Variants in RASSF6 observed in about 807,000 individuals in gnomAD.
RASSF6 encodes Ras association domain family member 6, also known as ras association domain-containing protein 6.
RASSF6 carries 52 observed loss-of-function variants against 44.0 expected under a neutral mutation model. The ratio of observed to expected loss-of-function variants is 1.18; its 90% CI spans 0.95 to 1.49. The LOEUF is 1.49. Among genes scored for constraint, RASSF6 ranks in the 40% most tolerant of loss-of-function variants. The pLI is 0.00. For synonymous variants in RASSF6, 162 were observed against 124.6 expected (o/e 1.30, Z -2.00); for missense variants, 464 against 393.3 (o/e 1.18, Z -1.52).
At chr4:73,615,823 A>T in intron 1 of RASSF6, 38 of 1,267,892 alleles carry the variant, frequency 3.0e-5, no homozygotes, top group Non-Finnish European at 4.0e-5. Flanking sequence ...CGTTCCAGCA[A>T]TGCTGGAACG....
In RASSF6 at chr4:73,612,872, C is replaced by T. The variant is rs140638243; in HGVS notation, c.-34-1043G>A. Among the ~76,000 whole-genome samples the T allele has an allele frequency of 8.8e-3, 1,344 of 152,220 alleles. 17 individuals are homozygous for T. The highest frequency in any genetic ancestry group is 0.01 in the Non-Finnish European group (709 of 68,014). The stretch of plus-strand genomic sequence containing the variant: ...CCTGACTCTCAAGTTTTCTTCAATT[C>T]CACTCAAACCTACCTTTCCAGGCTC... On this transcript the variant is annotated intron_variant, in intron 1 of 10. Coordinates refer to ENST00000307439, the MANE Select transcript of RASSF6 (RefSeq NM_177532.5).
Position 73,574,684 on chromosome 4 carries a change from T to C in RASSF6, c.*1551A>G, listed in dbSNP as rs1381405212. The C allele has an allele frequency of 6.6e-6, 1 of 152,162 alleles. No individual in the cohort carries two copies. The highest frequency in any genetic ancestry group is 1.5e-5 in the Non-Finnish European group (1 of 68,038). The allele number at this position is 152,162 out of a possible 1,614,324, so 9.4% of individuals were successfully genotyped here. ...TTCTGATTGATACAGACTAACACAG[T>C]TGTTCACTGTTAAGATACGACTTTT... On this transcript the variant is annotated 3_prime_UTR_variant, in exon 11 of 11. Coordinates refer to ENST00000307439, the MANE Select transcript of RASSF6 (RefSeq NM_177532.5).
chr4:73,612,484 T>C (rs55974437), intron 1 of RASSF6, among the ~76,000 whole-genome samples: 12,126 of 26,794 alleles, frequency 0.45, 945 homozygotes, highest in East Asian at 0.6. Flanking sequence ...GTTTTCTTTT[T>C]TTTTTTTTTT....
At chr4:73,613,352 T>G (rs1461554995) in intron 1 of RASSF6, among the ~76,000 whole-genome samples, 1 of 152,164 alleles carries the variant, frequency 6.6e-6, no homozygotes. Context: ...ACATGCTCCA[T>G]GAGCCCAGTG....
intron 8 of RASSF6, among the ~76,000 whole-genome samples, chr4:73,580,335 G>A (rs938967060): frequency 1.0e-4 from 15 of 149,678 alleles, no homozygotes; most frequent in African/African-American, 3.2e-4. Flanking sequence ...ATAAACATAC[G>A]TGTGCATGTG....
chr4:73,586,526 G>A (rs1578028873), intron 5 of RASSF6, among the ~76,000 whole-genome samples: 1 of 151,766 alleles, frequency 6.6e-6, no homozygotes, highest in East Asian at 1.9e-4. Context: ...ACAATTGATA[G>A]TACCTTTTTC....
At position 73,582,224 on chromosome 4, in the gene RASSF6, C is replaced by T. The variant is rs1454820929; in HGVS notation, c.634G>A (p.Glu212Lys). The T allele has an allele frequency of 6.9e-6, 11 of 1,592,840 alleles. No individual in the cohort carries two copies. Among genetic ancestry groups the T allele is most frequent in the African/African-American group, 4.0e-5 (3 of 74,536 alleles). The change falls in exon 7 of 11, where the codon GAA becomes AAA. Residue 212 changes from glutamate to lysine, a missense_variant. Physicochemically the swap from Glu to Lys is moderately conservative, Grantham distance 56. Coordinates refer to ENST00000307439, the MANE Select transcript of RASSF6 (RefSeq NM_177532.5). ...TGGAGAAGTTGCTTTATTACTTCTT[C>T]AGTTCTCATGTTACTGTTTACTCTG... The part of the protein sequence containing the change: ...KVRVNSNMRT[E>K]EVIKQLLQKF...
chr4:73,585,476 T>C, intron 5 of RASSF6, 112 bp from the exon 6 acceptor site: 1 of 686,038 alleles, frequency 1.5e-6, no homozygotes, highest in Non-Finnish European at 2.2e-6. Context: ...TTTCTGGCTG[T>C]GTAAAAGCAT....
Position 73,575,127 on chromosome 4 carries a change from G to C in RASSF6, c.*1108C>G, listed in dbSNP as rs1278914518. 1 of 152,086 alleles carries C rather than the reference G, an allele frequency of 6.6e-6. No homozygotes were observed. Among genetic ancestry groups the C allele is most frequent in the East Asian group, 1.9e-4 (1 of 5,202 alleles). 9.4% of individuals were successfully genotyped at this position (152,086 alleles called of 1,614,324 possible). A position where few individuals can be genotyped will look rare whatever the true frequency, so the allele number is the denominator to read the frequency against. ...TGTTAATCTTCCAGTTGGGTTTACT[G>C]CATATAATCTCATTCCTTAGTACAT... On this transcript the variant is annotated 3_prime_UTR_variant, in exon 11 of 11. Transcript: ENST00000307439.
chr4:73,615,930 G>C, intron 1 of RASSF6: 1 of 1,550,152 alleles, frequency 6.5e-7, no homozygotes, highest in South Asian at 1.2e-5. Flanking sequence ...AGGACAGGAA[G>C]TGAATTCTAG....
intron 3 of RASSF6, among the ~76,000 whole-genome samples, chr4:73,597,697 A>G (rs975117077): frequency 6.6e-6 from 1 of 152,246 alleles, no homozygotes; most frequent in African/African-American, 2.4e-5. Flanking sequence ...CACTATTTAT[A>G]ACAGCAAGCA....
At chr4:73,583,753 G>A (rs7674913) in intron 6 of RASSF6, among the ~76,000 whole-genome samples, 42,402 of 151,952 alleles carry the variant, frequency 0.28, 6,147 homozygotes, top group Admixed American at 0.41. Flanking sequence ...AGCTAATGTA[G>A]ACCGAGTTCT....
chr4:73,588,919 A>C (rs1393808603), intron 4 of RASSF6, among the ~76,000 whole-genome samples: 1 of 151,924 alleles, frequency 6.6e-6, no homozygotes, highest in East Asian at 1.9e-4. Context: ...TTATCTAAGA[A>C]TCTCTTCAGT....
intron 4 of RASSF6, among the ~76,000 whole-genome samples, chr4:73,589,931 G>A (rs957743888): frequency 6.6e-6 from 1 of 152,112 alleles, no homozygotes; most frequent in African/African-American, 2.4e-5. Flanking sequence ...AAACACCACT[G>A]ACGTTATTCA....
In RASSF6 at chr4:73,576,484, G is replaced by A. The variant is rs1156901711; in HGVS notation, c.864C>T (p.His288=). Reference sequence around the variant, plus strand: ...GAAGAATGGATTCCAAGAGAGAAAAGTGAAAGTTAATGTACTGAGCCACCT... The same window carrying A: ...GAAGAATGGATTCCAAGAGAGAAAAATGAAAGTTAATGTACTGAGCCACCT... The part of the protein sequence containing the change: ...SSDVAQYINF[H]FSLLESILQR... The change falls in exon 10 of 11, where the codon CAC becomes CAT. Residue 288 remains histidine, a synonymous_variant. Transcript: ENST00000307439. 3.2e-6 allele frequency: 5 copies of A among 1,581,088 alleles called. No homozygotes were observed. The highest frequency in any genetic ancestry group is 4.3e-6 in the Non-Finnish European group (5 of 1,162,092).
chr4:73,605,992 G>C (rs1397141086), intron 2 of RASSF6, among the ~76,000 whole-genome samples: 1 of 152,124 alleles, frequency 6.6e-6, no homozygotes, highest in East Asian at 1.9e-4. Flanking sequence ...TAGTCACTGT[G>C]GAAAGCAGTT....
chr4:73,606,810 C>A lies in RASSF6; in HGVS notation c.65+4921G>T, dbSNP rs549799803. ...AGTAACTTGACTTCACACTCTGATG[C>A]CCCTTGCTCCCTTGGGAGGGAGAAA... On this transcript the variant is annotated intron_variant, in intron 2 of 10. Transcript: ENST00000307439. Among the ~76,000 whole-genome samples the A allele has an allele frequency of 2.0e-5, 3 of 152,208 alleles. No homozygotes were observed. In the South Asian group the frequency reaches 6.2e-4, roughly 32 times the overall value.
chr4:73,619,623 G>A (rs1431107522), intron 1 of RASSF6, among the ~76,000 whole-genome samples: 4 of 152,088 alleles, frequency 2.6e-5, no homozygotes, highest in African/African-American at 9.7e-5. Flanking sequence ...CAAACGTTTG[G>A]GGCTTAGGTT....
rs574994420 is a variant in RASSF6 at position 73,575,619 on chromosome 4, G to A, written c.*616C>T. On this transcript the variant is annotated 3_prime_UTR_variant, in exon 11 of 11. Coordinates refer to ENST00000307439, the MANE Select transcript of RASSF6 (RefSeq NM_177532.5). Reference sequence around the variant, plus strand: ...ATCAGCAGAAGAGAGAGAATAAAAGGGCTGGGGGGAGGTTCAGAAAATTTC... The same window carrying A: ...ATCAGCAGAAGAGAGAGAATAAAAGAGCTGGGGGGAGGTTCAGAAAATTTC... 2 of 152,178 alleles carry A rather than the reference G, an allele frequency of 1.3e-5. No individual in the cohort carries two copies. Among genetic ancestry groups the A allele is most frequent in the African/African-American group, 4.8e-5 (2 of 41,528 alleles). 9.4% of individuals were successfully genotyped at this position (152,178 alleles called of 1,614,324 possible). A position where few individuals can be genotyped will look rare whatever the true frequency, so the allele number is the denominator to read the frequency against.
Sources: gnomAD v4.1 joint callset for allele counts (sites outside exome capture counted in the v4.1 genomes callset) on GRCh38, gnomAD v4.1.1 for gene constraint, MANE v1.5 for transcripts, NCBI Gene and HGNC (gene_info 2026-07-23, HGNC 2026-07-21) for gene names.